Variants in TBC1D1 observed in about 807,000 individuals in gnomAD.
TBC1D1 encodes the protein TBC1 domain family member 1.
TBC1D1 carries 89 observed loss-of-function variants against 125.6 expected under a neutral mutation model. The observed-to-expected ratio is 0.71, with a 90% CI of 0.60 to 0.85. The LOEUF is 0.85. TBC1D1 is among the 40% of genes least tolerant of loss of function. The pLI, the probability that TBC1D1 is intolerant of heterozygous loss-of-function variation, is 0.00. For missense variants in TBC1D1, 1,377 were observed against 1,469.2 expected (o/e 0.94, Z 1.03); for synonymous variants, 565 against 564.1 (o/e 1.00, Z -0.02).
At chr4:38,015,348 A>AT (rs1742478909) in intron 3 of TBC1D1, among the ~76,000 whole-genome samples, 1 of 152,102 alleles carries the variant, frequency 6.6e-6, no homozygotes, top group African/African-American at 2.4e-5. Flanking sequence ...TACTATTAAT[A>AT]TTTTTATTTA....
In TBC1D1 at chr4:38,068,643, A is replaced by G. The variant is rs114413642; in HGVS notation, c.2050+14305A>G. Among the ~76,000 whole-genome samples the G allele has an allele frequency of 9.4e-3, 1,429 of 152,342 alleles. 22 individuals are homozygous for G. The highest frequency in any genetic ancestry group is 0.029 in the African/African-American group (1,223 of 41,574). The stretch of plus-strand genomic sequence containing the variant: ...CAGTAACCAACAGCCACATATCACT[A>G]TTTAAAATTAAATACAAACTAATTA... On this transcript the variant is annotated intron_variant, in intron 12 of 19. Coordinates refer to ENST00000261439, the MANE Select transcript of TBC1D1 (RefSeq NM_015173.4).
intron 12 of TBC1D1, among the ~76,000 whole-genome samples, chr4:38,073,187 C>T (rs1368992103): frequency 6.6e-6 from 1 of 152,290 alleles, no homozygotes; most frequent in East Asian, 1.9e-4. Context: ...GTGAGTAACC[C>T]TCATACTGTT....
At position 38,096,076 on chromosome 4, in the gene TBC1D1, C is replaced by T. The variant is rs756680194; in HGVS notation, c.2384C>T (p.Ser795Leu). The change falls in exon 14 of 20, where the codon TCG (serine) becomes TTG (leucine). Residue 795 changes from serine to leucine, a missense_variant. Around this residue, in one of 3 missense-constraint regions of TBC1D1, gnomAD observed 543 missense variants for 613.5 expected, o/e 0.89. Transcript: ENST00000261439. ...AAGTTTGACATGGAAAAAATGCACT[C>T]GGCTGTTGGGCAAGGTAAGCTTCAT... is the stretch of plus-strand genomic sequence containing the variant. 1.2e-5 allele frequency: 20 copies of T among 1,612,360 alleles called. No individual in the cohort carries two copies. Among genetic ancestry groups the T allele is most frequent in the East Asian group, 6.7e-5 (3 of 44,860 alleles).
At chr4:38,037,733 G>A (rs1377788439) in intron 8 of TBC1D1, among the ~76,000 whole-genome samples, 7 of 152,208 alleles carry the variant, frequency 4.6e-5, no homozygotes, top group South Asian at 4.1e-4. Flanking sequence ...GACAGTGAGC[G>A]CTTCTCTCAG....
intron 2 of TBC1D1, among the ~76,000 whole-genome samples, chr4:37,953,137 G>A (rs889460816): frequency 1.3e-5 from 2 of 152,128 alleles, no homozygotes; most frequent in African/African-American, 4.8e-5. Flanking sequence ...TGCCTTTTCC[G>A]ACAAGTTTGG....
At chr4:37,958,026 T>C (rs192123717) in intron 2 of TBC1D1, among the ~76,000 whole-genome samples, 1 of 152,376 alleles carries the variant, frequency 6.6e-6, no homozygotes, top group East Asian at 1.9e-4. Context: ...ATGCTATTTT[T>C]GTTGATCTCT....
chr4:37,943,998 T>A (rs1726121297), intron 2 of TBC1D1, among the ~76,000 whole-genome samples: 2 of 152,320 alleles, frequency 1.3e-5, no homozygotes, highest in South Asian at 4.2e-4. Context: ...GATGGTGACA[T>A]ATAGATGGGG....
chr4:37,974,408 T>G (rs954708646), intron 2 of TBC1D1, among the ~76,000 whole-genome samples: 1 of 152,152 alleles, frequency 6.6e-6, no homozygotes, highest in Admixed American at 6.5e-5. Flanking sequence ...TTTATTTTTA[T>G]TTTTCCTTTA....
intron 2 of TBC1D1, among the ~76,000 whole-genome samples, chr4:37,994,301 T>G (rs1258900325): frequency 6.6e-6 from 1 of 152,220 alleles, no homozygotes; most frequent in Admixed American, 6.5e-5. Flanking sequence ...TTTTTTTGTT[T>G]GTTTTTTGAG....
At chr4:38,104,778 C>T (rs1046090420) in intron 15 of TBC1D1, among the ~76,000 whole-genome samples, 13 of 149,424 alleles carry the variant, frequency 8.7e-5, no homozygotes, top group Non-Finnish European at 1.3e-4. Flanking sequence ...TTTTTTGAGA[C>T]GGTGTCTCGC....
At chr4:37,948,690 G>A (rs1043504331) in intron 2 of TBC1D1, among the ~76,000 whole-genome samples, 1 of 151,840 alleles carries the variant, frequency 6.6e-6, no homozygotes, top group Non-Finnish European at 1.5e-5. Context: ...ATATTCACAG[G>A]GTTGTGCAAC....
chr4:37,924,302 A>C (rs1028510497), intron 2 of TBC1D1, among the ~76,000 whole-genome samples: 1 of 152,186 alleles, frequency 6.6e-6, no homozygotes, highest in Non-Finnish European at 1.5e-5. Context: ...TGTTTGTATG[A>C]ACTGATTTTT....
chr4:37,892,633 T>G (rs1401033109), intron 1 of TBC1D1, among the ~76,000 whole-genome samples: 1 of 152,200 alleles, frequency 6.6e-6, no homozygotes, highest in East Asian at 1.9e-4. Context: ...TTATAAATTA[T>G]TACATTACGT....
chr4:38,087,739 G>A (rs562241120), intron 12 of TBC1D1, among the ~76,000 whole-genome samples: 68 of 150,770 alleles, frequency 4.5e-4, no homozygotes, highest in African/African-American at 1.5e-3. Flanking sequence ...CTACTCACTC[G>A]GGAGTCTGAG....
intron 2 of TBC1D1, among the ~76,000 whole-genome samples, chr4:37,974,990 G>A (rs2152351085): frequency 6.6e-6 from 1 of 152,222 alleles, no homozygotes; most frequent in East Asian, 1.9e-4. Flanking sequence ...CCCGTGTGCA[G>A]AGACGAGAGA....
At chr4:37,930,383 G>C (rs957629964) in intron 2 of TBC1D1, among the ~76,000 whole-genome samples, 1 of 152,092 alleles carries the variant, frequency 6.6e-6, no homozygotes, top group Non-Finnish European at 1.5e-5. Flanking sequence ...GTGTAATGGC[G>C]TGATCATGGC....
intron 2 of TBC1D1, among the ~76,000 whole-genome samples, chr4:37,996,755 C>T (rs1737892354): frequency 6.6e-6 from 1 of 152,206 alleles, no homozygotes; most frequent in East Asian, 1.9e-4. Context: ...AATTTCTATT[C>T]ATTTGGAAAT....
chr4:37,998,020 A>G (rs1056297387), intron 2 of TBC1D1, among the ~76,000 whole-genome samples: 1 of 152,142 alleles, frequency 6.6e-6, no homozygotes, highest in Admixed American at 6.5e-5. Flanking sequence ...CCATCTAGCC[A>G]CTGAACCCTC....
intron 12 of TBC1D1, among the ~76,000 whole-genome samples, chr4:38,062,965 C>T (rs2152499216): frequency 6.6e-6 from 1 of 152,186 alleles, no homozygotes; most frequent in East Asian, 1.9e-4. Context: ...GTTCTGATAC[C>T]AGCTGACCCA....
Sources: gnomAD v4.1 joint callset for allele counts (sites outside exome capture counted in the v4.1 genomes callset) on GRCh38, gnomAD v4.1.1 for gene constraint, gnomAD v4.1.1 regional missense constraint, MANE v1.5 for transcripts, NCBI Gene and HGNC (gene_info 2026-07-23, HGNC 2026-07-21) for gene names.